MGRN1: variants seen among roughly 807,000 people sequenced by gnomAD.
MGRN1 encodes E3 ubiquitin-protein ligase MGRN1.
MGRN1 carries 29 observed loss-of-function variants against 69.2 expected under a neutral mutation model. That is an observed-to-expected ratio of 0.42 (90% CI 0.31 to 0.57). The LOEUF is 0.57. MGRN1 is among the 20% of genes least tolerant of loss of function. The pLI, the probability that MGRN1 is intolerant of heterozygous loss-of-function variation, is 0.15. For missense variants in MGRN1, 998 were observed against 796.2 expected, an observed-to-expected ratio of 1.25 and a Z score of -3.05; for synonymous variants, 470 against 344.2, an observed-to-expected ratio of 1.37 and a Z score of -4.04.
intron 12 of MGRN1, among the ~76,000 whole-genome samples, chr16:4,680,959 C>T (rs1003238611): frequency 6.6e-5 from 10 of 152,256 alleles, no homozygotes; most frequent in African/African-American, 2.4e-4. Flanking sequence ...CAGGGGCCCC[C>T]GCAGTCTGAC....
chr16:4,688,268 G>T (rs1346903367), intron 16 of MGRN1: 14 of 985,902 alleles, frequency 1.4e-5, no homozygotes, highest in African/African-American at 3.5e-5. Flanking sequence ...GCGCCCGGCG[G>T]CGTCGTGCAG....
chr16:4,683,497 G>A lies in MGRN1; in HGVS notation c.1528+228G>A, dbSNP rs949450710. Among the ~76,000 whole-genome samples, 4 of 152,204 alleles carry A rather than the reference G, an allele frequency of 2.6e-5. 1 individual carries two copies. Among genetic ancestry groups the A allele is most frequent in the South Asian group, 4.1e-4 (2 of 4,820 alleles). On this transcript the variant is annotated intron_variant, in intron 15 of 16. Transcript: ENST00000262370. ...TGCAGGGCTGTCTGCCTGGGATGGG[G>A]AACACCTGCCAGCATTCAGTCCTGG...
chr16:4,656,027 G>C (rs2078529711), intron 4 of MGRN1, among the ~76,000 whole-genome samples: 1 of 152,152 alleles, frequency 6.6e-6, no homozygotes, highest in Non-Finnish European at 1.5e-5. Flanking sequence ...TACAGTGGTG[G>C]CCCCCCCACG....
At chr16:4,625,225 G>T (rs1014187323) in intron 1 of MGRN1, among the ~76,000 whole-genome samples, 177 bp downstream of exon 1, 1 of 152,138 alleles carries the variant, frequency 6.6e-6, no homozygotes, top group Non-Finnish European at 1.5e-5. Context: ...TGGGGGCCCC[G>T]GAGGAACCTG....
At chr16:4,685,444 C>CG (rs1417131087) in intron 16 of MGRN1, among the ~76,000 whole-genome samples, 1 of 152,216 alleles carries the variant, frequency 6.6e-6, no homozygotes, top group Admixed American at 6.5e-5. Flanking sequence ...GGCCCACAGA[C>CG]GGGGGCAGGC....
At chr16:4,664,572 C>T (rs772866822) in intron 5 of MGRN1, 137 bp from the exon 6 acceptor site, 2 of 810,362 alleles carry the variant, frequency 2.5e-6, no homozygotes, top group Middle Eastern at 2.3e-4. Context: ...CCTTCCCTGC[C>T]ATCTCGAGGC....
chr16:4,630,187 C>T (rs1169354170), intron 1 of MGRN1, among the ~76,000 whole-genome samples: 1 of 151,282 alleles, frequency 6.6e-6, no homozygotes, highest in Non-Finnish European at 1.5e-5. Flanking sequence ...CTCCATGTCT[C>T]CTAAAATACA....
At chr16:4,659,575 C>T (rs1019250688) in intron 5 of MGRN1, among the ~76,000 whole-genome samples, 1 of 152,234 alleles carries the variant, frequency 6.6e-6, no homozygotes, top group African/African-American at 2.4e-5. Flanking sequence ...GGCACTGGAC[C>T]CGCCAGGGGG....
chr16:4,665,078 A>T, intron 6 of MGRN1, 24 bp from the exon 7 acceptor site: 1 of 1,613,788 alleles, frequency 6.2e-7, no homozygotes, highest in South Asian at 1.1e-5. Context: ...GACTCTGACT[A>T]CTCTGCCCCT....
At chr16:4,634,677 G>C (rs921950362) in intron 1 of MGRN1, 1 of 152,498 alleles carries the variant, frequency 6.6e-6, no homozygotes, top group African/African-American at 2.4e-5. Context: ...GTGTTGGAGG[G>C]GTCCCTGGAT....
At chr16:4,646,794 G>A (rs1663842104) in intron 1 of MGRN1, among the ~76,000 whole-genome samples, 1 of 152,212 alleles carries the variant, frequency 6.6e-6, no homozygotes, top group African/African-American at 2.4e-5. Flanking sequence ...CCTACAGCGG[G>A]GGCTTCTTGG....
rs1239551080 is a variant in MGRN1 at position 4,683,923 on chromosome 16, T to C, written c.1609T>C (p.Tyr537His). The C allele has an allele frequency of 1.3e-6, 2 of 1,481,728 alleles. No individual in the cohort carries two copies. Among genetic ancestry groups the C allele is most frequent in the Non-Finnish European group, 1.8e-6 (2 of 1,087,238 alleles). 91.8% of individuals were successfully genotyped at this position (1,481,728 alleles called of 1,614,324 possible). A position where few individuals can be genotyped will look rare whatever the true frequency, so the allele number is the denominator to read the frequency against. ...TGGCCGAGGCCCACCTGCTGACATC[T>C]ACCTGCCAGGTAAGGGGCTGGGGGT... ...HCGRGPPADIYLPGRPTSMET... is the reference protein window; with the variant it reads ...HCGRGPPADIHLPGRPTSMET... Residue 537 changes from tyrosine (Y) to histidine (H), a missense_variant, in exon 16 of 17, where the codon TAC (tyrosine) becomes CAC (histidine). Tyr to His is a moderately conservative substitution (Grantham distance 83, BLOSUM62 2). Coordinates refer to ENST00000262370, the MANE Select transcript of MGRN1 (RefSeq NM_015246.4).
chr16:4,673,815 C>T (rs1187275083), intron 10 of MGRN1, among the ~76,000 whole-genome samples, 158 bp downstream of exon 10: 4 of 152,110 alleles, frequency 2.6e-5, no homozygotes, highest in Non-Finnish European at 2.9e-5. Flanking sequence ...TGTTGGCTGT[C>T]GGAGTCAGTC....
intron 15 of MGRN1, 131 bp from the exon 16 acceptor site, chr16:4,683,712 C>G (rs1181903433): frequency 2.8e-6 from 2 of 705,676 alleles, no homozygotes; most frequent in Non-Finnish European, 4.7e-6. Context: ...TGGAGTCCTG[C>G]TGGAGCACAA....
intron 1 of MGRN1, 111 bp from the exon 2 acceptor site, chr16:4,650,254 G>A: frequency 1.3e-6 from 1 of 767,792 alleles, no homozygotes; most frequent in South Asian, 1.8e-5. Context: ...AGTGAGCTGA[G>A]ATAGCGCCAC....
chr16:4,681,520 TGA>T (rs757672017), intron 12 of MGRN1, 28 bp from the exon 13 acceptor site: 28 of 1,587,468 alleles, frequency 1.8e-5, no homozygotes, highest in Non-Finnish European at 2.2e-5. Flanking sequence ...TCCCTGGGCA[TGA>T]GCCCCCTCAC....
At chr16:4,651,927 AG>A in intron 2 of MGRN1, 35 bp from the exon 3 acceptor site, 2 of 1,596,086 alleles carry the variant, frequency 1.3e-6, no homozygotes, top group Non-Finnish European at 1.7e-6. Context: ...GCTGCTCCTG[AG>A]GGAGTCACCT....
At chr16:4,674,605 T>TC (rs1458325265) in intron 10 of MGRN1, among the ~76,000 whole-genome samples, 1 of 141,950 alleles carries the variant, frequency 7.0e-6, no homozygotes, top group African/African-American at 2.6e-5. Flanking sequence ...TCTTTTCTTT[T>TC]TTTTTCTTTT....
At chr16:4,629,619 G>C (rs574215222) in intron 1 of MGRN1, among the ~76,000 whole-genome samples, 44 of 151,866 alleles carry the variant, frequency 2.9e-4, no homozygotes, top group African/African-American at 1.1e-3. Flanking sequence ...CACACCTGTA[G>C]TCCCAGCTGC....
Sources: allele counts gnomAD v4.1 joint callset (sites outside exome capture counted in the v4.1 genomes callset), GRCh38; gene constraint gnomAD v4.1.1; transcripts MANE v1.5; gene names NCBI Gene and HGNC (gene_info 2026-07-23, HGNC 2026-07-21).